The following AKAP6 variants were observed in gnomAD, a reference collection of about 807,000 sequenced individuals.
The protein encoded by AKAP6 is A-kinase anchoring protein 6, also known as A-kinase anchor protein 6.
A neutral mutation model predicts 188.5 loss-of-function variants in AKAP6; 58 were observed. The ratio of observed to expected loss-of-function variants is 0.31; its 90% CI spans 0.25 to 0.38. The LOEUF (loss-of-function observed/expected upper bound fraction) is 0.38, where lower values mean the gene tolerates loss of function less well. Ranked by LOEUF, AKAP6 falls within the 10% of genes least tolerant of loss-of-function variation. The pLI is 1.00. For missense variants in AKAP6, 2,710 were observed against 2,740.0 expected, an observed-to-expected ratio of 0.99 and a Z score of 0.24; for synonymous variants, 989 against 998.6, an observed-to-expected ratio of 0.99 and a Z score of 0.18.
chr14:32,463,075 A>G (rs780231329), intron 2 of AKAP6, among the ~76,000 whole-genome samples: 2 of 152,112 alleles, frequency 1.3e-5, no homozygotes, highest in African/African-American at 4.8e-5. Context: ...TATGCACCCA[A>G]TACAGCAGCA....
chr14:32,723,557 T>TGTGTGTGTGTG lies in AKAP6; in HGVS notation c.3001-8897_3001-8896insGTGTGTGTGTG, dbSNP rs35237019. Among the ~76,000 whole-genome samples the TGTGTGTGTGTG allele has an allele frequency of 2.4e-3, 332 of 141,180 alleles. 1 individual carries two copies. Among genetic ancestry groups the TGTGTGTGTGTG allele is most frequent in the African/African-American group, 7.3e-3 (280 of 38,352 alleles). 92.6% of individuals were successfully genotyped at this position (141,180 alleles called of 152,430 possible). A position where few individuals can be genotyped will look rare whatever the true frequency, so the allele number is the denominator to read the frequency against. ...AATATATATATGTGTGCGTATGTGT[T>TGTGTGTGTGTG]TATGTGTGTGTGTGTGTGTGTGTGT... On this transcript the variant is annotated intron_variant, in intron 9 of 13. Coordinates refer to ENST00000280979, the MANE Select transcript of AKAP6 (RefSeq NM_004274.5).
chr14:32,443,125 G>A (rs1456180118), intron 2 of AKAP6, among the ~76,000 whole-genome samples: 1 of 152,138 alleles, frequency 6.6e-6, no homozygotes, highest in Non-Finnish European at 1.5e-5. Flanking sequence ...GCCAGGCGTG[G>A]TGTCTCACGC....
At chr14:32,646,014 C>G (rs1887972122) in intron 7 of AKAP6, among the ~76,000 whole-genome samples, 1 of 152,052 alleles carries the variant, frequency 6.6e-6, no homozygotes, top group Non-Finnish European at 1.5e-5. Flanking sequence ...TGGTGCCCAC[C>G]TGGAAACATG....
At chr14:32,401,307 T>C (rs1889085374) in intron 1 of AKAP6, among the ~76,000 whole-genome samples, 1 of 152,218 alleles carries the variant, frequency 6.6e-6, no homozygotes, top group Admixed American at 6.5e-5. Flanking sequence ...TGGTTACTTG[T>C]AGCCCCAAAG....
At chr14:32,645,047 A>G (rs1051833231) in intron 7 of AKAP6, among the ~76,000 whole-genome samples, 1 of 152,230 alleles carries the variant, frequency 6.6e-6, no homozygotes, top group Non-Finnish European at 1.5e-5. Context: ...CATCTTTGCT[A>G]TAAAACATGC....
At chr14:32,820,567 G>A (rs2140140161) in intron 12 of AKAP6, among the ~76,000 whole-genome samples, 1 of 152,224 alleles carries the variant, frequency 6.6e-6, no homozygotes, top group Admixed American at 6.5e-5. Context: ...GTGGGCTGGA[G>A]TGAGAGGTTC....
chr14:32,510,382 A>ATATATATATGTGTATATATATG (rs1881125437), intron 2 of AKAP6, among the ~76,000 whole-genome samples: 1 of 109,690 alleles, frequency 9.1e-6, no homozygotes, highest in Non-Finnish European at 1.8e-5. Context: ...ATATATGTGT[A>ATATATATATGTGTATATATATG]TATATATATG....
intron 2 of AKAP6, among the ~76,000 whole-genome samples, chr14:32,503,961 C>A: frequency 6.6e-6 from 1 of 151,482 alleles, no homozygotes; most frequent in East Asian, 1.9e-4. Flanking sequence ...TATATTAATG[C>A]ATTATATTGA....
intron 2 of AKAP6, among the ~76,000 whole-genome samples, chr14:32,479,557 T>C (rs894450162): frequency 6.6e-6 from 1 of 152,194 alleles, no homozygotes. Context: ...TATATATTTA[T>C]TTTTCTCACA....
intron 11 of AKAP6, among the ~76,000 whole-genome samples, chr14:32,757,009 T>C (rs2032361280): frequency 6.6e-6 from 1 of 151,740 alleles, no homozygotes; most frequent in Non-Finnish European, 1.5e-5. Flanking sequence ...GTGCCTGGGG[T>C]TGTAGGGGCT....
intron 11 of AKAP6, among the ~76,000 whole-genome samples, chr14:32,748,791 A>G (rs2032012822): frequency 6.6e-6 from 1 of 152,186 alleles, no homozygotes; most frequent in Non-Finnish European, 1.5e-5. Context: ...GTGGGTCTTC[A>G]CTTTCAGGCT....
chr14:32,718,166 G>C (rs1024157885), intron 9 of AKAP6: 6 of 409,092 alleles, frequency 1.5e-5, no homozygotes, highest in Non-Finnish European at 2.0e-5. Context: ...ACTGACCTTG[G>C]GCAAGTCACT....
rs533863647 is a variant in AKAP6 at position 32,421,545 on chromosome 14, C to T, written c.-34-11915C>T. ...ATTTTATGGATATAATATCTTATCT[C>T]TGATAATCTTTCTTTTTTACCGAAA... On this transcript the variant is annotated intron_variant, in intron 1 of 13. Transcript: ENST00000280979. Among the ~76,000 whole-genome samples the T allele has an allele frequency of 2.6e-5, 4 of 152,012 alleles. No individual in the cohort carries two copies. The East Asian group carries it at 5.8e-4, about 22-fold the overall frequency.
At chr14:32,600,003 T>C (rs139966037) in intron 6 of AKAP6, among the ~76,000 whole-genome samples, 142 of 152,350 alleles carry the variant, frequency 9.3e-4, no homozygotes, top group Middle Eastern at 3.4e-3. Context: ...CAACCAATTC[T>C]TACCCCAGTA....
chr14:32,423,077 GT>G (rs1889905434), intron 1 of AKAP6, among the ~76,000 whole-genome samples: 1 of 152,096 alleles, frequency 6.6e-6, no homozygotes, highest in Admixed American at 6.6e-5. Flanking sequence ...TTTCAGTAGT[GT>G]TAGTAGGGTT....
chr14:32,724,799 G>A (rs1165302151), intron 9 of AKAP6, among the ~76,000 whole-genome samples: 1 of 151,696 alleles, frequency 6.6e-6, no homozygotes, highest in Non-Finnish European at 1.5e-5. Context: ...GAGCACACGG[G>A]ATATTTCTTC....
intron 2 of AKAP6, among the ~76,000 whole-genome samples, chr14:32,478,349 G>A (rs1439515892): frequency 6.6e-6 from 1 of 152,150 alleles, no homozygotes; most frequent in Non-Finnish European, 1.5e-5. Flanking sequence ...AGGGAAATGC[G>A]GGTCCATCTG....
intron 1 of AKAP6, among the ~76,000 whole-genome samples, chr14:32,418,505 C>A (rs1430834162): frequency 6.6e-6 from 1 of 152,128 alleles, no homozygotes; most frequent in Non-Finnish European, 1.5e-5. Flanking sequence ...ACTCTCATGG[C>A]AGAGGGGAGA....
chr14:32,387,925 C>T (rs974823068), intron 1 of AKAP6, among the ~76,000 whole-genome samples: 3 of 151,742 alleles, frequency 2.0e-5, no homozygotes, highest in Admixed American at 1.3e-4. Flanking sequence ...AGGATTGGTA[C>T]CAGTTCTTCT....
Sources: gnomAD v4.1 joint callset for allele counts (sites outside exome capture counted in the v4.1 genomes callset) on GRCh38, gnomAD v4.1.1 for gene constraint, MANE v1.5 for transcripts, NCBI Gene and HGNC (gene_info 2026-07-23, HGNC 2026-07-21) for gene names.